IL13RA1: variants seen among roughly 807,000 people sequenced by gnomAD.
IL13RA1 encodes the protein interleukin 13 receptor subunit alpha 1.
IL13RA1 carries 14 observed loss-of-function variants against 33.8 expected under a neutral mutation model. The observed-to-expected ratio is 0.41, with a 90% CI of 0.27 to 0.65. The LOEUF is 0.65. Ranked by LOEUF, IL13RA1 falls within the 30% of genes least tolerant of loss-of-function variation. The probability of loss-of-function intolerance (pLI) is 0.28; values close to 1 mark genes in which losing one functional copy is unlikely to be tolerated. For missense variants in IL13RA1, 313 were observed against 327.0 expected, an observed-to-expected ratio of 0.96 and a Z score of 0.33; for synonymous variants, 116 against 115.7, an observed-to-expected ratio of 1.00 and a Z score of -0.02.
At chrX:118,745,700 G>A (rs1312538151) in intron 2 of IL13RA1, among the ~76,000 whole-genome samples, 1 of 111,390 alleles carries the variant, frequency 9.0e-6, no homozygotes, top group African/African-American at 3.3e-5. Flanking sequence ...TCCTCTTCAT[G>A]GCCGTCAACA....
In IL13RA1 at chrX:118,761,137, G is replaced by T; in HGVS notation, c.677-1G>T. On this transcript the variant is annotated splice_acceptor_variant, in intron 5 of 10. Transcript: ENST00000371666. LOFTEE classifies it high-confidence loss of function. ...ACTTGTGTTCTATTTTTGTTTTTCA[G>T]TGAAACCTGATCCTCCACATATTAA... The T allele has an allele frequency of 1.0e-6, 1 of 993,458 alleles. No homozygotes were observed. The allele number at this position is 993,458 out of a possible 1,213,427, so 81.9% of individuals were successfully genotyped here. A position where few individuals can be genotyped will look rare whatever the true frequency, so the allele number is the denominator to read the frequency against.
intron 4 of IL13RA1, among the ~76,000 whole-genome samples, chrX:118,751,966 C>T (rs1405995118): frequency 9.3e-6 from 1 of 107,240 alleles, no homozygotes; most frequent in African/African-American, 3.4e-5. Flanking sequence ...CCCCAGGATT[C>T]ACATCCGCAC....
chrX:118,730,939 T>C (rs1044912231), intron 1 of IL13RA1, among the ~76,000 whole-genome samples: 2 of 112,550 alleles, frequency 1.8e-5, no homozygotes, highest in East Asian at 5.6e-4. Flanking sequence ...TATATGACTC[T>C]TGTGATTTCC....
chrX:118,769,051 A>G (rs767640142), intron 8 of IL13RA1, among the ~76,000 whole-genome samples: 23 of 112,320 alleles, frequency 2.0e-4, no homozygotes, highest in Non-Finnish European at 2.8e-4. Flanking sequence ...AACACGCAAT[A>G]TGGGAACCAT....
chrX:118,791,946 A>G lies in IL13RA1; in HGVS notation c.*92A>G, dbSNP rs929232139. On this transcript the variant is annotated 3_prime_UTR_variant, in exon 11 of 11. Transcript: ENST00000371666. The stretch of plus-strand genomic sequence containing the variant: ...CTGGGAACTTATTAAATGGAAACTG[A>G]AACTACTGCACCATTTAAAAACAGG... The G allele has an allele frequency of 4.8e-5, 23 of 482,258 alleles. No homozygotes were observed. In the African/African-American group the frequency reaches 5.1e-4, roughly 11 times the overall value. The allele number at this position is 482,258 out of a possible 1,213,427, so 39.7% of individuals were successfully genotyped here.
chrX:118,770,714 T>C, intron 8 of IL13RA1: 1 of 370,202 alleles, frequency 2.7e-6, no homozygotes, highest in Non-Finnish European at 5.2e-6. Context: ...TTCAGCAGCA[T>C]CTTGTGGATG....
chrX:118,763,684 G>T (rs1432110815), intron 6 of IL13RA1, among the ~76,000 whole-genome samples: 2 of 112,117 alleles, frequency 1.8e-5, no homozygotes, highest in Admixed American at 1.9e-4. Flanking sequence ...TAAGTAACTT[G>T]CTACAAGCCA....
chrX:118,801,764 CCCT>C, the IL13RA1 span, among the ~76,000 whole-genome samples: 1 of 111,856 alleles, frequency 8.9e-6, no homozygotes, highest in Non-Finnish European at 1.9e-5. Flanking sequence ...AATTTCTTGT[CCCT>C]CCTCATGTGA....
At chrX:118,791,665 C>A in intron 10 of IL13RA1, 97 bp from the exon 11 acceptor site, 1 of 399,966 alleles carries the variant, frequency 2.5e-6, no homozygotes, top group Non-Finnish European at 4.4e-6. Context: ...ACGGTTCCAT[C>A]CACACAAACC....
chrX:118,750,774 A>C (rs1456335492), intron 4 of IL13RA1, among the ~76,000 whole-genome samples: 1 of 110,947 alleles, frequency 9.0e-6, no homozygotes, highest in Non-Finnish European at 1.9e-5. Context: ...TTAAAAAGGA[A>C]AATGATATGT....
intron 4 of IL13RA1, among the ~76,000 whole-genome samples, chrX:118,757,733 C>T (rs1344299895): frequency 3.4e-5 from 3 of 88,493 alleles, no homozygotes; most frequent in Admixed American, 1.3e-4. Context: ...CTCGGTCACC[C>T]AGGCTGGAGT....
chrX:118,763,822 C>T (rs1603216201), intron 6 of IL13RA1, among the ~76,000 whole-genome samples: 1 of 102,585 alleles, frequency 9.7e-6, no homozygotes, highest in African/African-American at 3.5e-5. Flanking sequence ...AATTGAGTTA[C>T]TTTTTTTTTT....
At chrX:118,729,541 G>C (rs909911336) in intron 1 of IL13RA1, among the ~76,000 whole-genome samples, 3 of 111,654 alleles carry the variant, frequency 2.7e-5, no homozygotes, top group Non-Finnish European at 5.6e-5. Context: ...TAAATTCTAA[G>C]AGCTCCTCCA....
At chrX:118,742,727 G>T (rs2017358031) in intron 2 of IL13RA1, among the ~76,000 whole-genome samples, 1 of 111,250 alleles carries the variant, frequency 9.0e-6, no homozygotes, top group Admixed American at 9.6e-5. Flanking sequence ...CCATTTTCTT[G>T]TTTATAAAAT....
intron 8 of IL13RA1, among the ~76,000 whole-genome samples, chrX:118,773,048 G>A (rs1412260543): frequency 8.9e-6 from 1 of 112,304 alleles, no homozygotes; most frequent in Non-Finnish European, 1.9e-5. Context: ...ATTATTTTAT[G>A]TACATAGAGA....
At chrX:118,728,863 A>G (rs756989223) in intron 1 of IL13RA1, among the ~76,000 whole-genome samples, 2 of 111,401 alleles carry the variant, frequency 1.8e-5, no homozygotes, top group East Asian at 2.8e-4. Context: ...AAGTAGAGAA[A>G]AACAGAGCAG....
chrX:118,736,694 A>G (rs573218738), intron 1 of IL13RA1, among the ~76,000 whole-genome samples: 1 of 112,061 alleles, frequency 8.9e-6, no homozygotes. Context: ...GTAACCTCGA[A>G]TCCCTGGGCT....
chrX:118,788,901 G>A (rs957986937), intron 10 of IL13RA1, among the ~76,000 whole-genome samples: 7 of 111,674 alleles, frequency 6.3e-5, no homozygotes, highest in Non-Finnish European at 1.1e-4. Flanking sequence ...TCTAAAATCC[G>A]AAATGCTCCC....
downstream of IL13RA1, among the ~76,000 whole-genome samples, chrX:118,798,304 C>T (rs777670223): frequency 3.3e-3 from 316 of 96,712 alleles, 2 homozygotes; most frequent in African/African-American, 0.013. Flanking sequence ...TTGTTTTTTT[C>T]CCCATATTGT....
Sources: allele counts gnomAD v4.1 joint callset (sites outside exome capture counted in the v4.1 genomes callset), GRCh38; gene constraint gnomAD v4.1.1; transcripts MANE v1.5; gene names NCBI Gene and HGNC (gene_info 2026-07-23, HGNC 2026-07-21).